Variants in PDE7B observed in about 807,000 individuals in gnomAD.
PDE7B encodes 3',5'-cyclic-AMP phosphodiesterase 7B.
PDE7B carries 29 observed loss-of-function variants against 56.2 expected under a neutral mutation model. The ratio of observed to expected loss-of-function variants is 0.52; its 90% confidence interval spans 0.38 to 0.70. The LOEUF (loss-of-function observed/expected upper bound fraction) is 0.70. Among genes scored for constraint, PDE7B ranks in the 30% least tolerant of loss-of-function variants. The pLI is 0.00. For synonymous variants in PDE7B, 197 were observed against 196.9 expected, an observed-to-expected ratio of 1.00 and a Z score of 0.00; for missense variants, 490 against 565.0, an observed-to-expected ratio of 0.87 and a Z score of 1.35.
intron 2 of PDE7B, among the ~76,000 whole-genome samples, chr6:136,005,765 A>C (rs1041358634): frequency 1.1e-4 from 16 of 152,238 alleles, no homozygotes; most frequent in Admixed American, 2.6e-4. Context: ...TGGGACTCTA[A>C]ACTAGTTCAA....
At chr6:136,072,127 T>C (rs528554172) in intron 2 of PDE7B, among the ~76,000 whole-genome samples, 1 of 152,360 alleles carries the variant, frequency 6.6e-6, no homozygotes, top group South Asian at 2.1e-4. Flanking sequence ...TGAGCATTTA[T>C]TATGTAGCAG....
rs541913850 is a variant in PDE7B at position 136,006,596 on chromosome 6, T to C, written c.82+59072T>C. Reference sequence around the variant, plus strand: ...CATATCTAGTTTCTTTGAGCAGTGTTTTGTAATTCCCATTGTAGAGATATT... The same window carrying C: ...CATATCTAGTTTCTTTGAGCAGTGTCTTGTAATTCCCATTGTAGAGATATT... On this transcript the variant is annotated intron_variant, in intron 2 of 12. Transcript: ENST00000308191. Among the ~76,000 whole-genome samples, 5 of 152,304 alleles carry C rather than the reference T, an allele frequency of 3.3e-5. No homozygotes were observed. The South Asian group carries it at 1.0e-3, about 32-fold the overall frequency.
chr6:135,936,373 A>C (rs1030522166), intron 1 of PDE7B, among the ~76,000 whole-genome samples: 33 of 152,252 alleles, frequency 2.2e-4, no homozygotes, highest in African/African-American at 6.5e-4. Flanking sequence ...GGTCTTATAA[A>C]GTAGCTTGAC....
Position 135,855,497 on chromosome 6 carries a change from A to G in PDE7B, c.21+3478A>G, listed in dbSNP as rs145919104. On this transcript the variant is annotated intron_variant, in intron 1 of 12. Coordinates refer to ENST00000308191, the MANE Select transcript of PDE7B (RefSeq NM_018945.4). ...TAAGAAAAAAATAAATTGTATTTCT[A>G]TTTAGGTATTTATTTTTATATGATG... Among the ~76,000 whole-genome samples, 533 of 152,308 alleles carry G rather than the reference A, an allele frequency of 3.5e-3. 5 individuals carry two copies. Among genetic ancestry groups the G allele is most frequent in the African/African-American group, 0.012 (506 of 41,560 alleles).
intron 3 of PDE7B, among the ~76,000 whole-genome samples, chr6:136,141,138 C>G (rs1778317472): frequency 6.6e-6 from 1 of 152,078 alleles, no homozygotes; most frequent in Admixed American, 6.5e-5. Flanking sequence ...GAGATACGTC[C>G]CATCAGTACC....
intron 1 of PDE7B, among the ~76,000 whole-genome samples, chr6:135,907,212 A>C (rs181096291): frequency 6.6e-6 from 1 of 152,338 alleles, no homozygotes; most frequent in East Asian, 1.9e-4. Context: ...TTTAGGAGTC[A>C]GCCAACAATT....
At chr6:136,182,614 G>A (rs887079040) in intron 11 of PDE7B, among the ~76,000 whole-genome samples, 2 of 152,180 alleles carry the variant, frequency 1.3e-5, no homozygotes, top group Non-Finnish European at 2.9e-5. Flanking sequence ...AGCATCGACT[G>A]CAGTGTAAAC....
intron 1 of PDE7B, among the ~76,000 whole-genome samples, chr6:135,937,964 C>A (rs1774449459): frequency 6.6e-6 from 1 of 152,198 alleles, no homozygotes; most frequent in South Asian, 2.1e-4. Context: ...CAGCAGGCCC[C>A]ATTATGGTTT....
At position 136,055,140 on chromosome 6, in the gene PDE7B, A is replaced by G. The variant is rs141518387; in HGVS notation, c.83-53591A>G. On this transcript the variant is annotated intron_variant, in intron 2 of 12. Transcript: ENST00000308191. ...AATGTCTGGCACAGACCAAAGGCCAATCTAAAATCATTTCTGCTATCTAAA... is the reference window on the plus strand; with the variant it reads ...AATGTCTGGCACAGACCAAAGGCCAGTCTAAAATCATTTCTGCTATCTAAA... 2.0e-5 allele frequency among the ~76,000 whole-genome samples: 3 copies of G among 152,316 alleles called. No individual in the cohort carries two copies. The East Asian group carries it at 5.8e-4, about 29-fold the overall frequency.
At chr6:135,961,860 G>T (rs1375279273) in intron 2 of PDE7B, among the ~76,000 whole-genome samples, 1 of 152,164 alleles carries the variant, frequency 6.6e-6, no homozygotes, top group Non-Finnish European at 1.5e-5. Context: ...TTAAGGGAGT[G>T]AGGGCTGAAT....
chr6:136,188,057 G>A (rs1779168485), intron 12 of PDE7B, among the ~76,000 whole-genome samples: 1 of 152,160 alleles, frequency 6.6e-6, no homozygotes, highest in Non-Finnish European at 1.5e-5. Context: ...ACATTGGTAG[G>A]GAAGGGGGTA....
chr6:135,926,792 G>A (rs9483895), intron 1 of PDE7B, among the ~76,000 whole-genome samples: 3,552 of 152,182 alleles, frequency 0.023, 145 homozygotes, highest in African/African-American at 0.079. Context: ...CTACTGTGCG[G>A]CAAGTGCTTA....
intron 2 of PDE7B, among the ~76,000 whole-genome samples, chr6:135,976,396 C>T (rs1775188552): frequency 6.6e-6 from 1 of 152,072 alleles, no homozygotes; most frequent in South Asian, 2.1e-4. Flanking sequence ...ACTGTTTCCC[C>T]AATGGCGCTG....
intron 2 of PDE7B, among the ~76,000 whole-genome samples, chr6:136,056,544 T>A (rs1217568257): frequency 7.6e-6 from 1 of 131,884 alleles, no homozygotes; most frequent in Non-Finnish European, 1.7e-5. Context: ...TTTTTTTTTT[T>A]TTTTTGACAA....
At chr6:136,001,008 G>A (rs1775659244) in intron 2 of PDE7B, among the ~76,000 whole-genome samples, 1 of 152,210 alleles carries the variant, frequency 6.6e-6, no homozygotes, top group African/African-American at 2.4e-5. Flanking sequence ...AAAACTTCCA[G>A]AGGAACAATC....
chr6:136,171,014 C>T (rs1778870174), intron 8 of PDE7B, among the ~76,000 whole-genome samples: 1 of 152,150 alleles, frequency 6.6e-6, no homozygotes, highest in Non-Finnish European at 1.5e-5. Context: ...TATAACTACT[C>T]TTGAAACCAA....
chr6:135,955,899 A>G (rs1046425614), intron 2 of PDE7B, among the ~76,000 whole-genome samples: 2 of 152,206 alleles, frequency 1.3e-5, no homozygotes, highest in African/African-American at 4.8e-5. Flanking sequence ...TTGAATTTGC[A>G]TGGGGTGGGG....
intron 4 of PDE7B, among the ~76,000 whole-genome samples, chr6:136,148,355 C>G (rs1778450904): frequency 7.9e-6 from 1 of 126,024 alleles, no homozygotes; most frequent in African/African-American, 3.0e-5. Context: ...GACCAGGTCT[C>G]AAAAAGAAAG....
At chr6:135,990,289 T>A (rs1445813474) in intron 2 of PDE7B, among the ~76,000 whole-genome samples, 1 of 151,974 alleles carries the variant, frequency 6.6e-6, no homozygotes, top group African/African-American at 2.4e-5. Flanking sequence ...AGAGACGGGG[T>A]TTCACCATGT....
Sources: gnomAD v4.1 joint callset for allele counts (sites outside exome capture counted in the v4.1 genomes callset) on GRCh38, gnomAD v4.1.1 for gene constraint, MANE v1.5 for transcripts, NCBI Gene and HGNC (gene_info 2026-07-23, HGNC 2026-07-21) for gene names.